RABGAP1L: variants seen among roughly 807,000 people sequenced by gnomAD.
The protein encoded by RABGAP1L is RAB GTPase activating protein 1 like, also known as rab GTPase-activating protein 1-like.
A neutral mutation model predicts 137.7 loss-of-function variants in RABGAP1L; 63 were observed. That is an observed-to-expected ratio of 0.46 (90% CI 0.37 to 0.56). The LOEUF is 0.56. Ranked by LOEUF, RABGAP1L falls within the 20% of genes least tolerant of loss-of-function variation. The pLI, the probability that RABGAP1L is intolerant of heterozygous loss-of-function variation, is 0.00. For missense variants in RABGAP1L, 1,095 were observed against 1,244.0 expected (o/e 0.88, Z 1.80); for synonymous variants, 431 against 433.7 (o/e 0.99, Z 0.08).
At chr1:174,386,167 G>GGTA (rs1686757111) in intron 12 of RABGAP1L, among the ~76,000 whole-genome samples, 1 of 152,174 alleles carries the variant, frequency 6.6e-6, no homozygotes, top group African/African-American at 2.4e-5. Context: ...TGGCTACAGA[G>GGTA]GTAATAACTG....
At position 174,781,148 on chromosome 1, in the gene RABGAP1L, G is replaced by A. The variant is rs1486690603; in HGVS notation, c.2211+28794G>A. On this transcript the variant is annotated intron_variant, in intron 18 of 25. Coordinates refer to ENST00000681986, the MANE Select transcript of RABGAP1L (RefSeq NM_001366446.1). ...TAGATCCCTGAGGAATCGCCACACT[G>A]ACTTCCACAATGGTTGAACTAGTTT... Among the ~76,000 whole-genome samples the A allele has an allele frequency of 2.6e-5, 4 of 152,274 alleles. No homozygotes were observed. The East Asian group carries it at 7.7e-4, about 29-fold the overall frequency.
intron 17 of RABGAP1L, among the ~76,000 whole-genome samples, chr1:174,736,489 T>G (rs1329508676): frequency 6.6e-6 from 1 of 152,186 alleles, no homozygotes; most frequent in East Asian, 1.9e-4. Flanking sequence ...TTTTCCAGGC[T>G]GAGGATTCAA....
intron 18 of RABGAP1L, among the ~76,000 whole-genome samples, chr1:174,793,515 C>T (rs546924641): frequency 1.4e-4 from 21 of 152,290 alleles, no homozygotes; most frequent in African/African-American, 4.1e-4. Flanking sequence ...TCTAATTCTT[C>T]GATGTTTGAG....
At chr1:174,359,202 C>T (rs1420241098) in intron 11 of RABGAP1L, among the ~76,000 whole-genome samples, 1 of 151,828 alleles carries the variant, frequency 6.6e-6, no homozygotes, top group Admixed American at 6.6e-5. Flanking sequence ...TACTTGCAAG[C>T]CTTCTCGGTG....
At chr1:174,642,722 C>T (rs1380368123) in intron 14 of RABGAP1L, among the ~76,000 whole-genome samples, 1 of 143,040 alleles carries the variant, frequency 7.0e-6, no homozygotes, top group Non-Finnish European at 1.5e-5. Context: ...TTCTCTCTCT[C>T]TCTCTCCTCT....
At chr1:174,674,718 T>C (rs1677464446) in intron 14 of RABGAP1L, among the ~76,000 whole-genome samples, 1 of 151,716 alleles carries the variant, frequency 6.6e-6, no homozygotes, top group Admixed American at 6.6e-5. Flanking sequence ...TGTAAAAGTG[T>C]TCCTATTTCT....
intron 19 of RABGAP1L, among the ~76,000 whole-genome samples, chr1:174,825,811 A>G (rs895596971): frequency 6.6e-6 from 1 of 152,210 alleles, no homozygotes. Flanking sequence ...GAATCGCTTG[A>G]ACCCAGGAGG....
chr1:174,461,766 T>C (rs1206132510), intron 13 of RABGAP1L, among the ~76,000 whole-genome samples: 1 of 152,104 alleles, frequency 6.6e-6, no homozygotes, highest in East Asian at 1.9e-4. Flanking sequence ...TTTAGGAGAG[T>C]TGAACGATGA....
chr1:174,193,172 C>G (rs143910355), intron 1 of RABGAP1L, among the ~76,000 whole-genome samples: 3 of 152,260 alleles, frequency 2.0e-5, no homozygotes, highest in Non-Finnish European at 4.4e-5. Flanking sequence ...AATCAAACCT[C>G]GAATGTTTAC....
intron 12 of RABGAP1L, among the ~76,000 whole-genome samples, chr1:174,388,871 T>G (rs1397820205): frequency 6.6e-6 from 1 of 152,118 alleles, no homozygotes; most frequent in African/African-American, 2.4e-5. Context: ...CGGTCATTCT[T>G]TTTTATTGAG....
At position 174,496,418 on chromosome 1, in the gene RABGAP1L, G is replaced by A. The variant is rs534353541; in HGVS notation, c.1710+102273G>A. Among the ~76,000 whole-genome samples the A allele has an allele frequency of 2.2e-4, 34 of 152,300 alleles. No homozygotes were observed. In the South Asian group the frequency reaches 6.8e-3, roughly 31 times the overall value. The stretch of plus-strand genomic sequence containing the variant: ...GAGAGAATCTGAGAACAGCAAGATT[G>A]TCTGAGAAAGACGACCCTCTAAGGG... On this transcript the variant is annotated intron_variant, in intron 13 of 25. Transcript: ENST00000681986.
intron 19 of RABGAP1L, among the ~76,000 whole-genome samples, chr1:174,912,680 A>G (rs575940295): frequency 6.6e-6 from 1 of 152,332 alleles, no homozygotes; most frequent in South Asian, 2.1e-4. Flanking sequence ...AGATTGTCAG[A>G]AAGGGATTCA....
chr1:174,646,207 T>C (rs973475011), intron 14 of RABGAP1L, among the ~76,000 whole-genome samples: 5 of 152,170 alleles, frequency 3.3e-5, no homozygotes, highest in African/African-American at 7.2e-5. Context: ...CAGAAGCTCT[T>C]TCATTTAATT....
At chr1:174,983,932 C>T (rs1671351791) in intron 24 of RABGAP1L, among the ~76,000 whole-genome samples, 1 of 151,596 alleles carries the variant, frequency 6.6e-6, no homozygotes, top group South Asian at 2.1e-4. Flanking sequence ...TTTTGCACTT[C>T]TTTCTAGTTA....
At chr1:174,724,518 A>G (rs1328066433) in intron 17 of RABGAP1L, among the ~76,000 whole-genome samples, 1 of 152,228 alleles carries the variant, frequency 6.6e-6, no homozygotes, top group African/African-American at 2.4e-5. Flanking sequence ...TCTTTTCTCT[A>G]GAAAAATAGA....
chr1:174,260,891 C>T (rs1444626129), intron 7 of RABGAP1L, among the ~76,000 whole-genome samples: 1 of 150,660 alleles, frequency 6.6e-6, no homozygotes, highest in African/African-American at 2.5e-5. Flanking sequence ...CATTAGTGCT[C>T]TGTCTAGTTG....
rs1029828350 is a variant in RABGAP1L at position 174,577,879 on chromosome 1, T to C, written c.1711-59496T>C. Among the ~76,000 whole-genome samples the C allele has an allele frequency of 3.3e-5, 5 of 152,340 alleles. No individual in the cohort carries two copies. In the East Asian group the frequency reaches 9.6e-4, roughly 29 times the overall value. On this transcript the variant is annotated intron_variant, in intron 13 of 25. Transcript: ENST00000681986. ...CTCAGAGCTGGAGTTACAAATGGGCTTATAAATGAGAAATTAACCACCCCT... is the reference window on the plus strand; with the variant it reads ...CTCAGAGCTGGAGTTACAAATGGGCCTATAAATGAGAAATTAACCACCCCT...
chr1:174,540,504 C>G (rs1219577868), intron 13 of RABGAP1L, among the ~76,000 whole-genome samples: 1 of 152,206 alleles, frequency 6.6e-6, no homozygotes, highest in Non-Finnish European at 1.5e-5. Flanking sequence ...TTTCAGCTTT[C>G]TACGTATGGC....
intron 1 of RABGAP1L, among the ~76,000 whole-genome samples, chr1:174,164,980 A>G (rs768156178): frequency 1.3e-5 from 2 of 152,170 alleles, no homozygotes. Flanking sequence ...TAGTGTGTAT[A>G]AGGGATTGTG....
Sources: allele counts gnomAD v4.1 joint callset (sites outside exome capture counted in the v4.1 genomes callset), GRCh38; gene constraint gnomAD v4.1.1; transcripts MANE v1.5; gene names NCBI Gene and HGNC (gene_info 2026-07-23, HGNC 2026-07-21).